Variants in PTPN21 observed in about 807,000 individuals in gnomAD.
PTPN21 encodes tyrosine-protein phosphatase non-receptor type 21.
In PTPN21, 77 loss-of-function variants were observed where a neutral mutation model predicts 131.8. The observed-to-expected ratio is 0.58, with a 90% CI of 0.49 to 0.71. PTPN21 has a LOEUF of 0.71. Ranked by LOEUF, PTPN21 falls within the 30% of genes least tolerant of loss-of-function variation. The probability of loss-of-function intolerance (pLI) is 0.00; values close to 1 mark genes in which losing one functional copy is unlikely to be tolerated. For synonymous variants in PTPN21, 715 were observed against 621.3 expected, an observed-to-expected ratio of 1.15 and a Z score of -2.24; for missense variants, 1,552 against 1,527.1, an observed-to-expected ratio of 1.02 and a Z score of -0.27.
chr14:88,503,181 GC>G (rs2078038945), intron 6 of PTPN21, among the ~76,000 whole-genome samples: 1 of 151,830 alleles, frequency 6.6e-6, no homozygotes, highest in African/African-American at 2.4e-5. Context: ...GACTACCGGT[GC>G]ATGCCACCAC....
At position 88,467,350 on chromosome 14, in the gene PTPN21, A is replaced by C. The variant is rs2077380520; in HGVS notation, c.*787T>G. On this transcript the variant is annotated 3_prime_UTR_variant, in exon 19 of 19. Coordinates refer to ENST00000556564, the MANE Select transcript of PTPN21 (RefSeq NM_007039.4). The stretch of plus-strand genomic sequence containing the variant: ...TCAACCAATAAAATCAAATTCATTT[A>C]GATCTATGAATAATACTGAAAAAAT... The C allele has an allele frequency of 6.6e-6, 1 of 152,262 alleles. No individual in the cohort carries two copies. The highest frequency in any genetic ancestry group is 6.5e-5 in the Admixed American group (1 of 15,290). The allele number at this position is 152,262 out of a possible 1,614,324, so 9.4% of individuals were successfully genotyped here.
rs1194604640 is a variant in PTPN21, at chr14:88,469,450, T to C, written c.3235+49A>G. On this transcript the variant is annotated intron_variant, in intron 17 of 18. Transcript: ENST00000556564. This position sits in a 1 kb window ranked among gnomAD's most constrained non-coding sequence, Gnocchi z 4.3. ...GGAAACATAAATGTTCCTCTCTGTT[T>C]AACACCTCCAGAGGCAGCTGTCCTC... is the stretch of plus-strand genomic sequence containing the variant. 3 of 1,452,342 alleles carry C rather than the reference T, an allele frequency of 2.1e-6. No homozygotes were observed. Among genetic ancestry groups the C allele is most frequent in the Non-Finnish European group, 2.9e-6 (3 of 1,034,646 alleles). 90.0% of individuals were successfully genotyped at this position (1,452,342 alleles called of 1,614,324 possible).
rs1170969368 is a variant in PTPN21 at position 88,479,077 on chromosome 14, C to T, written c.2354G>A (p.Arg785Gln). The T allele has an allele frequency of 1.3e-6, 2 of 1,596,846 alleles. No homozygotes were observed. Among genetic ancestry groups the T allele is most frequent in the Non-Finnish European group, 1.7e-6 (2 of 1,172,420 alleles). The change falls in exon 13 of 19, where the codon CGG (arginine) becomes CAG (glutamine). Residue 785 changes from arginine (R) to glutamine (Q), a missense_variant. By Grantham distance (43) the Arg-to-Gln change is conservative. Transcript: ENST00000556564. ...SPVRTTAEAQ[R>Q]PWRDGLLMPS... ...CATCAGCAGCCCGTCTCTCCAGGGC[C>T]GCTGGGCCTCTGCGGTCGTGCGGAC...
rs114202216 is a variant in PTPN21 at position 88,535,031 on chromosome 14, G to A, written c.180+15207C>T. 5.7e-3 allele frequency among the ~76,000 whole-genome samples: 866 copies of A among 152,078 alleles called. 11 individuals are homozygous for A. The highest frequency in any genetic ancestry group is 0.02 in the African/African-American group (832 of 41,496). On this transcript the variant is annotated intron_variant, in intron 2 of 18. Transcript: ENST00000556564. Reference sequence around the variant, plus strand: ...TTTTAGTTCTGCAAGCGCCATTCACGGTAAGTACCCTATACAGGTGTACCT... The same window carrying A: ...TTTTAGTTCTGCAAGCGCCATTCACAGTAAGTACCCTATACAGGTGTACCT...
chr14:88,520,855 A>G (rs2078379063), intron 2 of PTPN21, among the ~76,000 whole-genome samples: 2 of 152,114 alleles, frequency 1.3e-5, no homozygotes, highest in South Asian at 4.1e-4. Flanking sequence ...ATTATATTTT[A>G]TTTTTTGAGA....
rs1045831807 is a variant in PTPN21, at chr14:88,469,040, G to A, written c.3272C>T (p.Thr1091Ile). The change falls in exon 18 of 19, where the codon ACA (threonine) becomes ATA (isoleucine). Residue 1091 changes from threonine to isoleucine, a missense_variant. Thr to Ile is a moderately conservative substitution (Grantham distance 89). This residue lies in a region of PTPN21 where 316 missense variants were observed against 378.5 expected (regional missense o/e 0.83). Transcript: ENST00000556564. The surrounding 1 kb of genome is among the most constrained non-coding windows in gnomAD (Gnocchi z 4.3). ...GCTTTGGGGATCACTTGTGCTATTT[G>A]TATGGCGTCGAACAGACTGGATCTC... The part of the protein sequence containing the change: ...LEEIQSVRRH[T>I]NSTSDPQSPN... 2.5e-6 allele frequency: 4 copies of A among 1,614,012 alleles called. No homozygotes were observed. Among genetic ancestry groups the A allele is most frequent in the African/African-American group, 1.3e-5 (1 of 74,924 alleles).
chr14:88,518,273 TACACAC>T (rs1555388159), intron 2 of PTPN21, among the ~76,000 whole-genome samples: 1 of 68,242 alleles, frequency 1.5e-5, no homozygotes, highest in Non-Finnish European at 2.5e-5. Flanking sequence ...TATATATATA[TACACAC>T]ACACATACGC....
Position 88,480,091 on chromosome 14 carries a change from G to A in PTPN21, c.1340C>T (p.Pro447Leu). 1 of 1,614,212 alleles carries A rather than the reference G, an allele frequency of 6.2e-7. No individual in the cohort carries two copies. The highest frequency in any genetic ancestry group is 2.2e-5 in the East Asian group (1 of 44,874). The change falls in exon 13 of 19, where the codon CCC becomes CTC. Residue 447 changes from proline to leucine, a missense_variant. Pro to Leu is a moderately conservative substitution (Grantham distance 98). Transcript: ENST00000556564. ...CATCACAGTCTCATAGTCTGGGGTG[G>A]GGCGGTAGGACGGGGGTATCACGGC... ...HSAVIPPSYR[P>L]TPDYETVMKQ...
intron 5 of PTPN21, 78 bp downstream of exon 5, chr14:88,505,226 G>A: frequency 8.5e-7 from 1 of 1,182,784 alleles, no homozygotes; most frequent in Non-Finnish European, 1.2e-6. Context: ...CTATCATACG[G>A]ATTTCATTTC....
Position 88,550,594 on chromosome 14 carries a change from C to G in PTPN21, c.-177G>C, listed in dbSNP as rs543913368. On this transcript the variant is annotated 5_prime_UTR_variant, in exon 2 of 19. Coordinates refer to ENST00000556564, the MANE Select transcript of PTPN21 (RefSeq NM_007039.4). ...AAAAGCAACGGAGTCTCCAATGGCC[C>G]GAGGAAGGGAGCATTGACGCCAGCG... The G allele has an allele frequency of 8.2e-6, 5 of 606,954 alleles. No individual in the cohort carries two copies. The highest frequency in any genetic ancestry group is 2.3e-5 in the South Asian group (1 of 44,018). 37.6% of individuals were successfully genotyped at this position (606,954 alleles called of 1,614,324 possible).
chr14:88,544,984 C>T (rs773075950), intron 2 of PTPN21, among the ~76,000 whole-genome samples: 5 of 152,006 alleles, frequency 3.3e-5, no homozygotes, highest in Non-Finnish European at 5.9e-5. Context: ...TACACCATCA[C>T]GCATGGGTAA....
intron 2 of PTPN21, among the ~76,000 whole-genome samples, chr14:88,521,341 C>T (rs1007125374): frequency 2.6e-5 from 4 of 152,036 alleles, no homozygotes; most frequent in Non-Finnish European, 5.9e-5. Context: ...GTACCACATT[C>T]GGTCTATAAT....
chr14:88,482,030 G>A (rs74072474), intron 12 of PTPN21, among the ~76,000 whole-genome samples: 5,626 of 152,354 alleles, frequency 0.037, 351 homozygotes, highest in African/African-American at 0.13. Flanking sequence ...TGCTAGTACA[G>A]TGTGCAACGG....
intron 18 of PTPN21, 95 bp downstream of exon 18, chr14:88,468,821 A>T (rs1377233666): frequency 1.3e-6 from 2 of 1,504,714 alleles, no homozygotes; most frequent in African/African-American, 2.8e-5. Flanking sequence ...CAGTCCAAGG[A>T]AATGTGCGCA....
intron 10 of PTPN21, among the ~76,000 whole-genome samples, chr14:88,490,975 C>G (rs563655784): frequency 4.9e-4 from 75 of 152,298 alleles, no homozygotes; most frequent in African/African-American, 1.8e-3. Context: ...AGGGTGCTTA[C>G]AGCATGACCA....
chr14:88,536,312 T>G (rs1321966405), intron 2 of PTPN21, among the ~76,000 whole-genome samples: 1 of 152,228 alleles, frequency 6.6e-6, no homozygotes. Flanking sequence ...TTGTTTAAAA[T>G]TTTTTCATAG....
At chr14:88,520,410 T>TAAA (rs67513989) in intron 2 of PTPN21, among the ~76,000 whole-genome samples, 1 of 146,892 alleles carries the variant, frequency 6.8e-6, no homozygotes, top group Non-Finnish European at 1.5e-5. Context: ...GACTCTGCCT[T>TAAA]AAAAAAAAAA....
chr14:88,502,808 A>C (rs1044342865), intron 6 of PTPN21, among the ~76,000 whole-genome samples: 1 of 152,130 alleles, frequency 6.6e-6, no homozygotes, highest in African/African-American at 2.4e-5. Context: ...TCCCAGGGTA[A>C]TGAACTTGGG....
intron 2 of PTPN21, among the ~76,000 whole-genome samples, chr14:88,533,329 G>T (rs1157545430): frequency 6.6e-6 from 1 of 152,146 alleles, no homozygotes; most frequent in Admixed American, 6.5e-5. Flanking sequence ...CCACAAATGC[G>T]ATGGTGGTCC....
Sources: allele counts gnomAD v4.1 joint callset (sites outside exome capture counted in the v4.1 genomes callset), GRCh38; gene constraint gnomAD v4.1.1; regional missense constraint gnomAD v4.1.1; non-coding constraint Gnocchi (gnomAD v3.1); transcripts MANE v1.5; gene names NCBI Gene and HGNC (gene_info 2026-07-23, HGNC 2026-07-21).